The following SYT1 variants were observed in gnomAD, a reference collection of about 807,000 sequenced individuals.
SYT1 encodes synaptotagmin-1.
Under a neutral mutation model 44.8 loss-of-function variants are expected in SYT1, and 8 were observed. That is an observed-to-expected ratio of 0.18 (90% CI 0.10 to 0.32). The LOEUF (loss-of-function observed/expected upper bound fraction) is 0.32, where lower values mean the gene tolerates loss of function less well. Among genes scored for constraint, SYT1 ranks in the 10% least tolerant of loss-of-function variants. The probability of loss-of-function intolerance (pLI) is 1.00; values close to 1 mark genes in which losing one functional copy is unlikely to be tolerated. For missense variants in SYT1, 286 were observed against 509.3 expected, an observed-to-expected ratio of 0.56 and a Z score of 4.22; for synonymous variants, 154 against 188.8, an observed-to-expected ratio of 0.82 and a Z score of 1.51.
At chr12:79,031,488 T>C (rs1169260997) in intron 2 of SYT1, among the ~76,000 whole-genome samples, 1 of 151,162 alleles carries the variant, frequency 6.6e-6, no homozygotes, top group Non-Finnish European at 1.5e-5. Context: ...TAATCTGTTA[T>C]AGCTTGTCAG....
intron 1 of SYT1, among the ~76,000 whole-genome samples, chr12:78,965,551 C>A (rs1277909437): frequency 6.6e-6 from 1 of 152,112 alleles, no homozygotes; most frequent in Non-Finnish European, 1.5e-5. Flanking sequence ...CAATTATAAC[C>A]TAGTAAATCA....
intron 1 of SYT1, among the ~76,000 whole-genome samples, chr12:78,904,122 T>G (rs1438363413): frequency 6.6e-6 from 1 of 152,104 alleles, no homozygotes; most frequent in Non-Finnish European, 1.5e-5. Context: ...AATTTACTAA[T>G]TTTTGTTTTT....
At chr12:78,973,224 A>G (rs1868502419) in intron 1 of SYT1, among the ~76,000 whole-genome samples, 1 of 152,214 alleles carries the variant, frequency 6.6e-6, no homozygotes. Context: ...GCTAATTAAC[A>G]TATGCATTAC....
chr12:78,945,794 A>G (rs144853863), intron 1 of SYT1, among the ~76,000 whole-genome samples: 1 of 152,268 alleles, frequency 6.6e-6, no homozygotes, highest in East Asian at 1.9e-4. Context: ...GTCCACCCTT[A>G]TTCAGTCCCT....
At chr12:79,427,045 A>T (rs1869495084) in intron 9 of SYT1, among the ~76,000 whole-genome samples, 1 of 152,212 alleles carries the variant, frequency 6.6e-6, no homozygotes. Flanking sequence ...AGGCCTCCCT[A>T]AGCCATGCTG....
intron 4 of SYT1, among the ~76,000 whole-genome samples, chr12:79,228,477 T>C (rs1875660778): frequency 6.6e-6 from 1 of 152,102 alleles, no homozygotes; most frequent in African/African-American, 2.4e-5. Flanking sequence ...CTTCATCTAC[T>C]GAAAACTCTT....
chr12:79,390,147 A>T (rs541491214), intron 9 of SYT1, among the ~76,000 whole-genome samples: 1 of 151,956 alleles, frequency 6.6e-6, no homozygotes, highest in African/African-American at 2.4e-5. Flanking sequence ...TTTAGCCAGG[A>T]TGGTCTCGAT....
intron 2 of SYT1, among the ~76,000 whole-genome samples, chr12:79,017,151 AGTTCTCTG>A (rs1481325126): frequency 2.0e-5 from 3 of 152,178 alleles, no homozygotes; most frequent in Non-Finnish European, 4.4e-5. Context: ...AGAACTGGGA[AGTTCTCTG>A]CTTTATGATA....
chr12:79,205,436 T>C (rs575963139), intron 3 of SYT1, among the ~76,000 whole-genome samples: 8 of 152,338 alleles, frequency 5.3e-5, no homozygotes, highest in African/African-American at 1.9e-4. Flanking sequence ...AAAATAAATA[T>C]GGTTTTTGAA....
At chr12:79,076,512 A>G (rs982028186) in intron 3 of SYT1, among the ~76,000 whole-genome samples, 1 of 152,196 alleles carries the variant, frequency 6.6e-6, no homozygotes, top group South Asian at 2.1e-4. Context: ...GTAGGTGAAT[A>G]CATAAAAAGT....
At chr12:79,273,281 T>A (rs1878533511) in intron 4 of SYT1, among the ~76,000 whole-genome samples, 1 of 151,990 alleles carries the variant, frequency 6.6e-6, no homozygotes, top group African/African-American at 2.4e-5. Flanking sequence ...TCCAGCTATT[T>A]TTTTTTATTA....
intron 4 of SYT1, among the ~76,000 whole-genome samples, chr12:79,229,208 G>C (rs1355461007): frequency 1.3e-5 from 2 of 152,200 alleles, no homozygotes; most frequent in African/African-American, 2.4e-5. Flanking sequence ...GCCTAAACGG[G>C]GAGGAGGAGC....
At chr12:79,005,024 CA>C (rs933645953) in intron 2 of SYT1, among the ~76,000 whole-genome samples, 5 of 151,966 alleles carry the variant, frequency 3.3e-5, no homozygotes, top group African/African-American at 9.7e-5. Flanking sequence ...TAATAGATAG[CA>C]TCTTATAAAA....
chr12:79,200,465 G>GT (rs1873714580), intron 3 of SYT1, among the ~76,000 whole-genome samples: 1 of 152,096 alleles, frequency 6.6e-6, no homozygotes, highest in South Asian at 2.1e-4. Flanking sequence ...TGTGGACAGG[G>GT]TGTAGGAGCA....
intron 4 of SYT1, among the ~76,000 whole-genome samples, chr12:79,247,670 A>T (rs1254921732): frequency 2.0e-5 from 3 of 152,198 alleles, no homozygotes; most frequent in Non-Finnish European, 2.9e-5. Flanking sequence ...CTGTGTACTA[A>T]ACAACCTTCT....
intron 4 of SYT1, among the ~76,000 whole-genome samples, chr12:79,284,173 T>C (rs1879188903): frequency 6.6e-6 from 1 of 152,116 alleles, no homozygotes; most frequent in Non-Finnish European, 1.5e-5. Context: ...TTATGAATAC[T>C]TCCCTTCCAA....
chr12:79,092,258 G>A (rs958163791), intron 3 of SYT1, among the ~76,000 whole-genome samples: 2 of 151,774 alleles, frequency 1.3e-5, no homozygotes, highest in East Asian at 1.9e-4. Context: ...AGAGCAATCT[G>A]GTCATATCTC....
At chr12:79,067,767 T>C (rs1237029575) in intron 3 of SYT1, among the ~76,000 whole-genome samples, 2 of 152,188 alleles carry the variant, frequency 1.3e-5, no homozygotes, top group Admixed American at 6.6e-5. Flanking sequence ...TCCTGGACTT[T>C]AAAGATTCAC....
chr12:79,125,510 G>A (rs1317973140), intron 3 of SYT1, among the ~76,000 whole-genome samples: 7 of 147,458 alleles, frequency 4.7e-5, no homozygotes, highest in East Asian at 2.0e-4. Flanking sequence ...CCAGCCACAT[G>A]GGAGGTGGCT....
Sources: gnomAD v4.1 joint callset for allele counts (sites outside exome capture counted in the v4.1 genomes callset) on GRCh38, gnomAD v4.1.1 for gene constraint, MANE v1.5 for transcripts, NCBI Gene and HGNC (gene_info 2026-07-23, HGNC 2026-07-21) for gene names.